The following GLIS3 variants were observed in gnomAD, a reference collection of about 807,000 sequenced individuals.
GLIS3 encodes zinc finger protein GLIS3.
A neutral mutation model predicts 78.6 loss-of-function variants in GLIS3; 53 were observed. That is an observed-to-expected ratio of 0.67 (90% CI 0.54 to 0.85). GLIS3 has a LOEUF of 0.85. Ranked by LOEUF, GLIS3 falls within the 40% of genes least tolerant of loss-of-function variation. GLIS3 has a pLI of 0.00. For missense variants in GLIS3, 1,703 were observed against 1,231.1 expected (o/e 1.38, Z -5.74); for synonymous variants, 684 against 509.9 (o/e 1.34, Z -4.60).
chr9:3,874,869 A>G (rs1386060799), intron 8 of GLIS3, among the ~76,000 whole-genome samples: 1 of 152,172 alleles, frequency 6.6e-6, no homozygotes, highest in Admixed American at 6.5e-5. Flanking sequence ...GCTCATAGGA[A>G]GCCCTTCATA....
chr9:4,361,112 T>C, the GLIS3 span, among the ~76,000 whole-genome samples: 12 of 152,236 alleles, frequency 7.9e-5, no homozygotes, highest in Non-Finnish European at 1.8e-4. Flanking sequence ...GTCCCTACTT[T>C]AGGGCCGATG....
intron 2 of GLIS3, among the ~76,000 whole-genome samples, chr9:4,161,314 A>G (rs1373837664): frequency 6.6e-6 from 1 of 152,038 alleles, no homozygotes; most frequent in African/African-American, 2.4e-5. Context: ...TTTAAATAAA[A>G]AATAATATTA....
At chr9:4,110,807 AT>A (rs1303527218) in intron 4 of GLIS3, among the ~76,000 whole-genome samples, 2 of 152,356 alleles carry the variant, frequency 1.3e-5, no homozygotes, top group Admixed American at 6.5e-5. Context: ...GGAAAAAAAA[AT>A]AAACATCTCT....
intron 7 of GLIS3, among the ~76,000 whole-genome samples, chr9:3,891,066 C>CAAAAA (rs58449134): frequency 1.6e-4 from 20 of 126,932 alleles, no homozygotes; most frequent in African/African-American, 4.9e-4. Flanking sequence ...CTTCCTTCCT[C>CAAAAA]AAAAAAAAAA....
At chr9:4,016,049 C>T (rs928999768) in intron 4 of GLIS3, among the ~76,000 whole-genome samples, 6 of 152,102 alleles carry the variant, frequency 3.9e-5, no homozygotes, top group Non-Finnish European at 5.9e-5. Context: ...GGCTATTAAG[C>T]GTATAGTACT....
intron 6 of GLIS3, among the ~76,000 whole-genome samples, chr9:3,909,988 C>G (rs186734081): frequency 2.0e-5 from 3 of 152,304 alleles, no homozygotes; most frequent in African/African-American, 7.2e-5. Context: ...CTACTGCATA[C>G]CATGGTAGCA....
At chr9:4,161,512 C>T (rs889375887) in intron 2 of GLIS3, among the ~76,000 whole-genome samples, 8 of 152,018 alleles carry the variant, frequency 5.3e-5, no homozygotes, top group African/African-American at 1.9e-4. Context: ...TAGTCAGTGT[C>T]TACTTGTCTC....
At chr9:4,267,710 G>C (rs1010266904) in intron 2 of GLIS3, among the ~76,000 whole-genome samples, 3 of 152,090 alleles carry the variant, frequency 2.0e-5, no homozygotes, top group East Asian at 3.9e-4. Flanking sequence ...ACAACGATAA[G>C]AAGAAAGGAA....
intron 7 of GLIS3, among the ~76,000 whole-genome samples, chr9:3,894,754 T>G (rs1437276348): frequency 6.6e-6 from 1 of 152,042 alleles, no homozygotes; most frequent in Non-Finnish European, 1.5e-5. Flanking sequence ...AAGGTTACAT[T>G]CAAAATTTGG....
chr9:3,859,323 A>C (rs953769710), intron 8 of GLIS3, among the ~76,000 whole-genome samples: 9 of 149,798 alleles, frequency 6.0e-5, no homozygotes, highest in Non-Finnish European at 8.9e-5. Context: ...AAGTGTCTGC[A>C]CCTACTTTCC....
In GLIS3 at chr9:3,828,262, A is replaced by G. The variant is rs979618943; in HGVS notation, c.*10T>C. 1 of 1,614,028 alleles carries G rather than the reference A, an allele frequency of 6.2e-7. No individual in the cohort carries two copies. On this transcript the variant is annotated 3_prime_UTR_variant, in exon 11 of 11. Coordinates refer to ENST00000381971, the MANE Select transcript of GLIS3 (RefSeq NM_001042413.2). Reference sequence around the variant, plus strand: ...AGGTCCTGGGTGTGCAGGAGTGGCCAAGAGAGCTTTTAGCCTTCGGTGTAG... The same window carrying G: ...AGGTCCTGGGTGTGCAGGAGTGGCCGAGAGAGCTTTTAGCCTTCGGTGTAG...
At chr9:4,380,485 G>A in the GLIS3 span, among the ~76,000 whole-genome samples, 2 of 152,180 alleles carry the variant, frequency 1.3e-5, no homozygotes, top group Non-Finnish European at 2.9e-5. Flanking sequence ...AAATTTAAAT[G>A]TCAGAGCTGA....
At chr9:4,107,408 G>T (rs1830843867) in intron 4 of GLIS3, among the ~76,000 whole-genome samples, 1 of 152,038 alleles carries the variant, frequency 6.6e-6, no homozygotes, top group Admixed American at 6.6e-5. Flanking sequence ...TCCATGCCTG[G>T]ATCCTAAAAC....
rs1490782143 is a variant in GLIS3 at position 4,133,872 on chromosome 9, A to ACC, written c.389-7932_389-7931insGG. 6.7e-3 allele frequency among the ~76,000 whole-genome samples: 698 copies of ACC among 104,678 alleles called. 13 individuals carry two copies. Among genetic ancestry groups the ACC allele is most frequent in the African/African-American group, 0.024 (615 of 25,952 alleles). 68.7% of individuals were successfully genotyped at this position (104,678 alleles called of 152,430 possible). ...CACACACACACACACACACACACAC[A>ACC]CACCGTACATCTGTCCTCGCCTGAA... is the stretch of plus-strand genomic sequence containing the variant. On this transcript the variant is annotated intron_variant, in intron 2 of 10. Transcript: ENST00000381971.
chr9:3,861,575 T>C (rs535810296), intron 8 of GLIS3, among the ~76,000 whole-genome samples: 9 of 152,176 alleles, frequency 5.9e-5, no homozygotes, highest in African/African-American at 1.9e-4. Flanking sequence ...GAAAATGTGG[T>C]ACATATACAC....
At chr9:3,862,482 G>C (rs16919803) in intron 8 of GLIS3, among the ~76,000 whole-genome samples, 63,854 of 151,926 alleles carry the variant, frequency 0.42, 13,675 homozygotes, top group East Asian at 0.64. Flanking sequence ...GCTCTTTCCC[G>C]TGTGTATAAG....
chr9:4,351,106 C>T (rs899557065), upstream of GLIS3, among the ~76,000 whole-genome samples: 1 of 151,990 alleles, frequency 6.6e-6, no homozygotes, highest in Non-Finnish European at 1.5e-5. Context: ...GTTTCTTAGA[C>T]CTTAAGGCTG....
intron 4 of GLIS3, among the ~76,000 whole-genome samples, chr9:4,018,617 G>A (rs1822623957): frequency 1.3e-5 from 2 of 152,160 alleles, no homozygotes; most frequent in Admixed American, 1.3e-4. Context: ...GTGACACAGA[G>A]TAGTTTCCAA....
rs182342145 is a variant in GLIS3, at chr9:4,218,206, T to G, written c.388+67832A>C. 8.9e-4 allele frequency among the ~76,000 whole-genome samples: 135 copies of G among 152,350 alleles called. 1 individual carries two copies. The highest frequency in any genetic ancestry group is 1.5e-3 in the Non-Finnish European group (102 of 68,026). On this transcript the variant is annotated intron_variant, in intron 2 of 10. Coordinates refer to ENST00000381971, the MANE Select transcript of GLIS3 (RefSeq NM_001042413.2). Reference sequence around the variant, plus strand: ...TCAATCAGCGAGTCTTTGATGATATTTAACAAATCTATCCCAAATCCATTT... The same window carrying G: ...TCAATCAGCGAGTCTTTGATGATATGTAACAAATCTATCCCAAATCCATTT...
Sources: gnomAD v4.1 joint callset for allele counts (sites outside exome capture counted in the v4.1 genomes callset) on GRCh38, gnomAD v4.1.1 for gene constraint, MANE v1.5 for transcripts, NCBI Gene and HGNC (gene_info 2026-07-23, HGNC 2026-07-21) for gene names.